GRAMD1C: variants seen among roughly 807,000 people sequenced by gnomAD.
GRAMD1C encodes GRAM domain containing 1C, also known as protein Aster-C.
Under a neutral mutation model 97.8 loss-of-function variants are expected in GRAMD1C, and 89 were observed. The ratio of observed to expected loss-of-function variants is 0.91; its 90% CI spans 0.77 to 1.09. The LOEUF is 1.09. GRAMD1C is among the 50% of genes least tolerant of loss of function. GRAMD1C has a pLI of 0.00. For missense variants in GRAMD1C, 740 were observed against 766.4 expected (o/e 0.97, Z 0.41); for synonymous variants, 256 against 267.0 (o/e 0.96, Z 0.40).
intron 2 of GRAMD1C, among the ~76,000 whole-genome samples, chr3:113,851,930 A>G (rs750935846): frequency 6.6e-6 from 1 of 150,606 alleles, no homozygotes; most frequent in Non-Finnish European, 1.5e-5. Flanking sequence ...GTGCAGTGGC[A>G]TGATCTCGGC....
chr3:113,840,287 T>TA (rs1250791234), intron 1 of GRAMD1C, among the ~76,000 whole-genome samples: 1 of 152,014 alleles, frequency 6.6e-6, no homozygotes, highest in Non-Finnish European at 1.5e-5. Flanking sequence ...GTCTTTTACT[T>TA]ACATAATTAA....
chr3:113,915,747 T>A lies in GRAMD1C; in HGVS notation c.999T>A (p.Arg333=), dbSNP rs1296312593. 1.2e-6 allele frequency: 2 copies of A among 1,609,684 alleles called. No homozygotes were observed. Among genetic ancestry groups the A allele is most frequent in the East Asian group, 4.5e-5 (2 of 44,736 alleles). Residue 333 remains arginine, a synonymous_variant, in exon 10 of 18, where the codon CGT becomes CGA. Coordinates refer to ENST00000358160, the MANE Select transcript of GRAMD1C (RefSeq NM_017577.5). The stretch of plus-strand genomic sequence containing the variant: ...TTCATGGAAGACTTTTTATCAACCG[T>A]ATTTTTCATATCAGTGCTGACAGAA... ...KDLHGRLFIN[R]IFHISADRMF...
intron 6 of GRAMD1C, among the ~76,000 whole-genome samples, chr3:113,900,135 G>A (rs1936107761): frequency 6.6e-6 from 1 of 151,826 alleles, no homozygotes; most frequent in Non-Finnish European, 1.5e-5. Context: ...GAGGAGGGTG[G>A]ATCACTTGAG....
Position 113,885,390 on chromosome 3 carries a change from G to A in GRAMD1C, c.540+2558G>A, listed in dbSNP as rs889770325. ...TCTTCATTTACCTTTTGCGGGGGCA[G>A]ATCCGCACGGTAATTCAGTACCAAA... On this transcript the variant is annotated intron_variant, in intron 6 of 17. Coordinates refer to ENST00000358160, the MANE Select transcript of GRAMD1C (RefSeq NM_017577.5). 4.6e-5 allele frequency: 72 copies of A among 1,578,112 alleles called. No homozygotes were observed. In the Middle Eastern group the frequency reaches 1.2e-3, roughly 26 times the overall value.
At chr3:113,915,428 CTG>C (rs2107339859) in intron 9 of GRAMD1C, among the ~76,000 whole-genome samples, 1 of 152,160 alleles carries the variant, frequency 6.6e-6, no homozygotes, top group South Asian at 2.1e-4. Context: ...TGAAATATTT[CTG>C]TATCTTTTGG....
chr3:113,877,032 GAGAC>G (rs887139885), intron 5 of GRAMD1C, among the ~76,000 whole-genome samples: 106 of 151,960 alleles, frequency 7.0e-4, no homozygotes, highest in African/African-American at 2.5e-3. Context: ...TCTTTTTTTA[GAGAC>G]AGGGTCTTGC....
At chr3:113,851,360 C>T (rs1012750800) in intron 2 of GRAMD1C, among the ~76,000 whole-genome samples, 11 of 151,754 alleles carry the variant, frequency 7.2e-5, no homozygotes, top group African/African-American at 2.7e-4. Flanking sequence ...GATTAGAGTT[C>T]GAATTGATTT....
At position 113,844,564 on chromosome 3, in the gene GRAMD1C, C is replaced by T. The variant is rs746367958; in HGVS notation, c.89C>T (p.Pro30Leu). 6.2e-7 allele frequency: 1 copy of T among 1,603,298 alleles called. No homozygotes were observed. The highest frequency in any genetic ancestry group is 2.2e-5 in the East Asian group (1 of 44,470). ...TTACAGGAAGATGTAGAGGAAAATC[C>T]TAGTCCAACTGTGGAAGAGAATAAT... The part of the protein sequence containing the change: ...TDLQEDVEEN[P>L]SPTVEENNVV... The change falls in exon 2 of 18, where the codon CCT becomes CTT. Residue 30 changes from proline (P) to leucine (L), a missense_variant. Physicochemically the swap from Pro to Leu is moderately conservative, Grantham distance 98. Transcript: ENST00000358160.
intron 6 of GRAMD1C, among the ~76,000 whole-genome samples, chr3:113,895,907 C>T (rs896564990): frequency 2.6e-5 from 4 of 152,172 alleles, no homozygotes; most frequent in African/African-American, 7.2e-5. Context: ...TTTTTAACAC[C>T]TGATCTGTCT....
intron 17 of GRAMD1C, among the ~76,000 whole-genome samples, chr3:113,944,408 A>G (rs1254501865): frequency 6.6e-6 from 1 of 151,902 alleles, no homozygotes; most frequent in African/African-American, 2.4e-5. Flanking sequence ...GATAGCAGCA[A>G]CTCCCAAGTC....
intron 2 of GRAMD1C, among the ~76,000 whole-genome samples, chr3:113,864,522 A>G (rs1023919956): frequency 3.3e-5 from 5 of 151,936 alleles, no homozygotes; most frequent in African/African-American, 1.2e-4. Flanking sequence ...AGCACTCCCA[A>G]AAGATGGCAT....
rs753696296 is a variant in GRAMD1C at position 113,844,536 on chromosome 3, G to A, written c.61G>A (p.Asp21Asn). Residue 21 changes from aspartate (D) to asparagine (N), a missense_variant, in exon 2 of 18, where the codon GAC (aspartate) becomes AAC (asparagine). Physicochemically the swap from Asp to Asn is conservative, Grantham distance 23. Transcript: ENST00000358160. ...TGAAGGGGATTCAAGCCTTGCCACC[G>A]ACTTACAGGAAGATGTAGAGGAAAA... The part of the protein sequence containing the change: ...MNEGDSSLAT[D>N]LQEDVEENPS... 9.3e-6 allele frequency: 15 copies of A among 1,604,372 alleles called. No homozygotes were observed. The highest frequency in any genetic ancestry group is 9.0e-5 in the East Asian group (4 of 44,588).
intron 2 of GRAMD1C, among the ~76,000 whole-genome samples, chr3:113,868,289 A>G (rs1934661320): frequency 6.6e-6 from 1 of 152,092 alleles, no homozygotes; most frequent in Non-Finnish European, 1.5e-5. Flanking sequence ...GGGACCCTCA[A>G]AGGCTATTTC....
At chr3:113,912,017 G>A (rs1012476938) in intron 9 of GRAMD1C, among the ~76,000 whole-genome samples, 1 of 152,100 alleles carries the variant, frequency 6.6e-6, no homozygotes, top group African/African-American at 2.4e-5. Flanking sequence ...ATGAGCCACC[G>A]CACCTGGCCA....
chr3:113,833,611 G>A (rs1342531116), intron 1 of GRAMD1C, among the ~76,000 whole-genome samples: 1 of 152,064 alleles, frequency 6.6e-6, no homozygotes, highest in African/African-American at 2.4e-5. Flanking sequence ...ACAATTCTTC[G>A]AGAATAAGGT....
At chr3:113,888,173 G>A (rs1935585821) in intron 6 of GRAMD1C, among the ~76,000 whole-genome samples, 1 of 152,104 alleles carries the variant, frequency 6.6e-6, no homozygotes, top group South Asian at 2.1e-4. Context: ...ATCACCACAA[G>A]AAAACTCTGG....
chr3:113,930,911 C>A, intron 11 of GRAMD1C, 79 bp downstream of exon 11: 1 of 709,222 alleles, frequency 1.4e-6, no homozygotes, highest in Non-Finnish European at 2.5e-6. Context: ...CACCAATTTA[C>A]AAGACAGTTT....
intron 10 of GRAMD1C, among the ~76,000 whole-genome samples, chr3:113,917,296 CAAAGAG>C (rs1300078198): frequency 6.6e-6 from 1 of 152,116 alleles, no homozygotes; most frequent in African/African-American, 2.4e-5. Flanking sequence ...TTGACATAGT[CAAAGAG>C]AAAGTTATTC....
intron 9 of GRAMD1C, among the ~76,000 whole-genome samples, chr3:113,914,566 G>T (rs1238659807): frequency 6.6e-6 from 1 of 152,172 alleles, no homozygotes; most frequent in African/African-American, 2.4e-5. Context: ...ATTCTGTATC[G>T]ATGGGGCATC....
Sources: allele counts gnomAD v4.1 joint callset (sites outside exome capture counted in the v4.1 genomes callset), GRCh38; gene constraint gnomAD v4.1.1; transcripts MANE v1.5; gene names NCBI Gene and HGNC (gene_info 2026-07-23, HGNC 2026-07-21).